Variants in CRTC3 observed in about 807,000 individuals in gnomAD.
CRTC3 encodes the protein CREB-regulated transcription coactivator 3.
A neutral mutation model predicts 74.5 loss-of-function variants in CRTC3; 26 were observed. That is an observed-to-expected ratio of 0.35 (90% CI 0.26 to 0.48). The LOEUF is 0.48. CRTC3 is among the 20% of genes least tolerant of loss of function. CRTC3 has a pLI of 0.99. For missense variants in CRTC3, 760 were observed against 787.3 expected (o/e 0.97, Z 0.41); for synonymous variants, 377 against 325.8 (o/e 1.16, Z -1.69).
intron 2 of CRTC3, among the ~76,000 whole-genome samples, chr15:90,563,776 T>A (rs1221084656): frequency 6.6e-6 from 1 of 152,256 alleles, no homozygotes; most frequent in African/African-American, 2.4e-5. Flanking sequence ...TTCTGCTTAC[T>A]TAGTCTGAAG....
chr15:90,642,708 C>G lies in CRTC3; in HGVS notation c.*568C>G. On this transcript the variant is annotated 3_prime_UTR_variant, in exon 15 of 15. Transcript: ENST00000268184. ...ACGACATGAAGTTTTTACCACAAGCCCGAGGGCAGGCTTGAGTTAGGCAGA... is the reference window on the plus strand; with the variant it reads ...ACGACATGAAGTTTTTACCACAAGCGCGAGGGCAGGCTTGAGTTAGGCAGA... 4.3e-6 allele frequency: 1 copy of G among 232,420 alleles called. No homozygotes were observed. Among genetic ancestry groups the G allele is most frequent in the Non-Finnish European group, 8.5e-6 (1 of 117,436 alleles). The allele number at this position is 232,420 out of a possible 1,614,324, so 14.4% of individuals were successfully genotyped here.
chr15:90,607,265 A>G (rs1317959561), intron 5 of CRTC3, 113 bp from the exon 6 acceptor site: 3 of 661,868 alleles, frequency 4.5e-6, no homozygotes, highest in Non-Finnish European at 5.4e-6. Flanking sequence ...TTGATGGTTG[A>G]TTATAAATCA....
intron 2 of CRTC3, among the ~76,000 whole-genome samples, chr15:90,569,109 C>T (rs560961406): frequency 7.0e-4 from 107 of 151,918 alleles, no homozygotes; most frequent in African/African-American, 2.5e-3. Context: ...CTTCCCATTC[C>T]AGCCTCCTGA....
At chr15:90,608,141 A>G (rs1968273114) in intron 6 of CRTC3, among the ~76,000 whole-genome samples, 1 of 152,176 alleles carries the variant, frequency 6.6e-6, no homozygotes, top group South Asian at 2.1e-4. Context: ...CCCCCTGGCC[A>G]CTGTGAGTAA....
intron 1 of CRTC3, among the ~76,000 whole-genome samples, chr15:90,537,578 G>T (rs1356499469): frequency 6.6e-6 from 1 of 152,138 alleles, no homozygotes; most frequent in African/African-American, 2.4e-5. Context: ...TAGAGACAGG[G>T]TTTCACCGTC....
At position 90,617,913 on chromosome 15, in the gene CRTC3, A is replaced by C; in HGVS notation, c.644A>C (p.Glu215Ala). ...TCTTTCCCTGGCCCATTGAAAGAAG[A>C]GAATCTGTTAAATGTTCCGAAGCCA... The part of the protein sequence containing the change: ...VASFPGPLKE[E>A]NLLNVPKPLP... Residue 215 changes from glutamate (E) to alanine (A), a missense_variant, in exon 8 of 15, where the codon GAG becomes GCG. By Grantham distance (107) the Glu-to-Ala change is moderately radical. Coordinates refer to ENST00000268184, the MANE Select transcript of CRTC3 (RefSeq NM_022769.5). 1 of 1,612,996 alleles carries C rather than the reference A, an allele frequency of 6.2e-7. No homozygotes were observed. Among genetic ancestry groups the C allele is most frequent in the African/African-American group, 1.3e-5 (1 of 74,954 alleles).
chr15:90,631,815 C>T (rs896036325), intron 11 of CRTC3, among the ~76,000 whole-genome samples: 5 of 152,088 alleles, frequency 3.3e-5, no homozygotes, highest in African/African-American at 1.2e-4. Flanking sequence ...CTCCTGAGCT[C>T]AAGTGATCCT....
Position 90,638,716 on chromosome 15 carries a change from A to T in CRTC3, c.1468-19A>T, listed in dbSNP as rs368159712. ...GCTCTGAGTTCCAAGCTAAATGATCATCTCCTTATTCCCTGAAGGGCTCAT... is the reference window on the plus strand; with the variant it reads ...GCTCTGAGTTCCAAGCTAAATGATCTTCTCCTTATTCCCTGAAGGGCTCAT... On this transcript the variant is annotated intron_variant, in intron 12 of 14. Transcript: ENST00000268184. 9.9e-6 allele frequency: 16 copies of T among 1,613,660 alleles called. No homozygotes were observed. Among genetic ancestry groups the T allele is most frequent in the Non-Finnish European group, 1.2e-5 (14 of 1,179,614 alleles).
At chr15:90,608,298 A>C (rs1968277657) in intron 6 of CRTC3, among the ~76,000 whole-genome samples, 1 of 152,140 alleles carries the variant, frequency 6.6e-6, no homozygotes, top group Admixed American at 6.5e-5. Flanking sequence ...CTTCAGGAGA[A>C]AGAGCCCAGA....
At chr15:90,625,311 A>G (rs1218664637) in intron 9 of CRTC3, among the ~76,000 whole-genome samples, 1 of 152,274 alleles carries the variant, frequency 6.6e-6, no homozygotes, top group Non-Finnish European at 1.5e-5. Flanking sequence ...TGATGAATGA[A>G]TGGCAACATC....
intron 7 of CRTC3, among the ~76,000 whole-genome samples, chr15:90,617,233 A>G (rs534143210): frequency 1.3e-5 from 2 of 152,124 alleles, no homozygotes; most frequent in East Asian, 1.9e-4. Context: ...TTCATCTCTC[A>G]GCAGCATCAT....
chr15:90,591,817 C>T (rs1567176170), intron 2 of CRTC3, among the ~76,000 whole-genome samples: 9 of 152,192 alleles, frequency 5.9e-5, no homozygotes, highest in Admixed American at 5.9e-4. Flanking sequence ...GATCCTGTGT[C>T]CTCATTGCAT....
At chr15:90,608,477 C>A (rs1968283308) in intron 6 of CRTC3, among the ~76,000 whole-genome samples, 1 of 152,172 alleles carries the variant, frequency 6.6e-6, no homozygotes, top group Non-Finnish European at 1.5e-5. Context: ...CTGGCCAGCA[C>A]CCTCTCCATC....
At chr15:90,551,342 C>CTT (rs67749879) in intron 2 of CRTC3, among the ~76,000 whole-genome samples, 8 of 3,886 alleles carry the variant, frequency 2.1e-3, no homozygotes, top group Non-Finnish European at 4.7e-3. Flanking sequence ...TTTTTCTGTG[C>CTT]TTCTTACTGT....
intron 2 of CRTC3, among the ~76,000 whole-genome samples, chr15:90,577,232 C>A (rs1967428417): frequency 1.3e-5 from 2 of 151,868 alleles, no homozygotes; most frequent in African/African-American, 2.4e-5. Context: ...CAGCCTTTGG[C>A]CCACATTTAA....
intron 2 of CRTC3, among the ~76,000 whole-genome samples, chr15:90,560,011 GT>G (rs1036925851): frequency 6.6e-6 from 1 of 151,906 alleles, no homozygotes; most frequent in Non-Finnish European, 1.5e-5. Flanking sequence ...CCTTTTCTCA[GT>G]TTTTTTTCTT....
chr15:90,600,816 C>T (rs138717027), intron 3 of CRTC3, among the ~76,000 whole-genome samples: 28 of 152,162 alleles, frequency 1.8e-4, no homozygotes, highest in Non-Finnish European at 3.4e-4. Flanking sequence ...TTATTGGTAA[C>T]TGCCGAATGT....
Position 90,641,132 on chromosome 15 carries a change from G to T in CRTC3, c.1584G>T (p.Gln528His), listed in dbSNP as rs141496744. The T allele has an allele frequency of 5.6e-5, 90 of 1,613,920 alleles. No individual in the cohort carries two copies. Among genetic ancestry groups the T allele is most frequent in the Non-Finnish European group, 7.2e-5 (85 of 1,179,964 alleles). Reference sequence around the variant, plus strand: ...TGCAACAAGGTTCCCGAGAACTGCAGGACTCTTTTCATTTGAGACCAAGCC... The same window carrying T: ...TGCAACAAGGTTCCCGAGAACTGCATGACTCTTTTCATTTGAGACCAAGCC... ...PLVQQGSREL[Q>H]DSFHLRPSPY... is the part of the protein sequence containing the mutation. Residue 528 changes from glutamine (Q) to histidine (H), a missense_variant, in exon 14 of 15, where the codon CAG becomes CAT. Around this residue, in one of 2 missense-constraint regions of CRTC3, gnomAD observed 652 missense variants for 635.2 expected, o/e 1.03. Coordinates refer to ENST00000268184, the MANE Select transcript of CRTC3 (RefSeq NM_022769.5).
chr15:90,540,307 T>A (rs1262770772), intron 2 of CRTC3, among the ~76,000 whole-genome samples, 170 bp downstream of exon 2: 1 of 152,236 alleles, frequency 6.6e-6, no homozygotes, highest in East Asian at 1.9e-4. Flanking sequence ...CATACGATAG[T>A]GTTATTTCAC....
Sources: allele counts gnomAD v4.1 joint callset (sites outside exome capture counted in the v4.1 genomes callset), GRCh38; gene constraint gnomAD v4.1.1; regional missense constraint gnomAD v4.1.1; transcripts MANE v1.5; gene names NCBI Gene and HGNC (gene_info 2026-07-23, HGNC 2026-07-21).